The following AUTS2 variants were observed in gnomAD, a reference collection of about 807,000 sequenced individuals.
The protein encoded by AUTS2 is autism susceptibility gene 2 protein.
Under a neutral mutation model 112.4 loss-of-function variants are expected in AUTS2, and 17 were observed. The observed-to-expected ratio is 0.15, with a 90% CI of 0.10 to 0.23. The LOEUF (loss-of-function observed/expected upper bound fraction) is 0.23, where lower values mean the gene tolerates loss of function less well. Among genes scored for constraint, AUTS2 ranks in the 10% least tolerant of loss-of-function variants. The probability of loss-of-function intolerance (pLI) is 1.00; values close to 1 mark genes in which losing one functional copy is unlikely to be tolerated. For missense variants in AUTS2, 1,510 were observed against 1,701.6 expected (o/e 0.89, Z 1.98); for synonymous variants, 751 against 702.7 (o/e 1.07, Z -1.09).
chr7:70,353,722 A>G (rs1454778347), intron 4 of AUTS2, among the ~76,000 whole-genome samples: 12 of 152,206 alleles, frequency 7.9e-5, no homozygotes, highest in Non-Finnish European at 1.0e-4. Context: ...GCACACACAC[A>G]TGGCCCAGAC....
chr7:70,519,898 C>T (rs936572821), intron 5 of AUTS2, among the ~76,000 whole-genome samples: 2 of 152,148 alleles, frequency 1.3e-5, no homozygotes, highest in African/African-American at 4.8e-5. Flanking sequence ...AGGCTGTTAG[C>T]TGAGTCTACT....
intron 5 of AUTS2, among the ~76,000 whole-genome samples, chr7:70,464,137 G>A (rs1266287403): frequency 2.0e-5 from 3 of 152,124 alleles, no homozygotes; most frequent in South Asian, 2.1e-4. Flanking sequence ...GCAGAGCTTC[G>A]TTCTTGTCTC....
chr7:70,526,040 A>T (rs967393768), intron 5 of AUTS2, among the ~76,000 whole-genome samples: 1 of 152,154 alleles, frequency 6.6e-6, no homozygotes, highest in African/African-American at 2.4e-5. Context: ...GCTCTTCTGA[A>T]TCCTACCTAG....
chr7:70,709,326 T>C (rs1401064179), intron 6 of AUTS2, among the ~76,000 whole-genome samples: 1 of 152,144 alleles, frequency 6.6e-6, no homozygotes, highest in Non-Finnish European at 1.5e-5. Context: ...GATCACTCCA[T>C]TTGACTTGCT....
At chr7:70,057,427 C>G (rs1027290128) in intron 2 of AUTS2, among the ~76,000 whole-genome samples, 1 of 152,138 alleles carries the variant, frequency 6.6e-6, no homozygotes, top group Non-Finnish European at 1.5e-5. Flanking sequence ...TAGTAGGTCT[C>G]AAAAAGTTAC....
chr7:69,737,587 A>G (rs976211054), intron 1 of AUTS2, among the ~76,000 whole-genome samples: 11 of 152,108 alleles, frequency 7.2e-5, no homozygotes, highest in African/African-American at 2.7e-4. Flanking sequence ...GATGACAGTA[A>G]CACACTCCCT....
chr7:69,847,817 G>A (rs1041181684), intron 1 of AUTS2, among the ~76,000 whole-genome samples: 2 of 152,174 alleles, frequency 1.3e-5, no homozygotes, highest in African/African-American at 4.8e-5. Context: ...ACTTGCAGAG[G>A]CCTGACCTGG....
At chr7:70,670,189 A>C (rs1050631814) in intron 5 of AUTS2, among the ~76,000 whole-genome samples, 3 of 152,056 alleles carry the variant, frequency 2.0e-5, no homozygotes, top group Admixed American at 1.3e-4. Flanking sequence ...ATTTTATTTG[A>C]TTTCTGTTTT....
chr7:70,064,508 C>T (rs1292178455), intron 2 of AUTS2, among the ~76,000 whole-genome samples: 1 of 152,156 alleles, frequency 6.6e-6, no homozygotes, highest in Non-Finnish European at 1.5e-5. Context: ...TCCAAAACTG[C>T]TGTCTGTCAT....
chr7:70,680,767 A>G (rs963255445), intron 5 of AUTS2, among the ~76,000 whole-genome samples: 1 of 152,196 alleles, frequency 6.6e-6, no homozygotes, highest in Non-Finnish European at 1.5e-5. Context: ...AAGAAAAGCT[A>G]CCAGCCAACA....
chr7:70,767,485 A>G (rs7782110), intron 9 of AUTS2, among the ~76,000 whole-genome samples: 23,816 of 152,100 alleles, frequency 0.16, 2,218 homozygotes, highest in East Asian at 0.38. Context: ...ATTTAACCAA[A>G]GGTAGTTATA....
intron 5 of AUTS2, among the ~76,000 whole-genome samples, chr7:70,658,787 G>A (rs943931809): frequency 2.6e-5 from 4 of 152,222 alleles, no homozygotes; most frequent in African/African-American, 9.6e-5. Flanking sequence ...TATTTCGGGT[G>A]CGAGGGGAGT....
intron 2 of AUTS2, among the ~76,000 whole-genome samples, chr7:69,979,271 T>C (rs763192139): frequency 3.3e-5 from 5 of 152,202 alleles, no homozygotes; most frequent in Non-Finnish European, 5.9e-5. Flanking sequence ...AAGAACCTTA[T>C]TTTCTCTGCC....
intron 5 of AUTS2, among the ~76,000 whole-genome samples, chr7:70,594,189 G>A (rs1803084803): frequency 6.6e-6 from 1 of 152,174 alleles, no homozygotes; most frequent in Non-Finnish European, 1.5e-5. Context: ...TTGATACACG[G>A]TGCAACTTGC....
intron 5 of AUTS2, among the ~76,000 whole-genome samples, chr7:70,602,699 A>C (rs1262521238): frequency 6.6e-6 from 1 of 152,212 alleles, no homozygotes; most frequent in Non-Finnish European, 1.5e-5. Context: ...GGTCGTAATT[A>C]GAGTATTTGG....
chr7:70,308,940 G>A (rs1789612738), intron 4 of AUTS2, among the ~76,000 whole-genome samples: 2 of 152,178 alleles, frequency 1.3e-5, no homozygotes, highest in Non-Finnish European at 2.9e-5. Context: ...GGGGTGCACT[G>A]AGCAGTCCCG....
rs565656627 is a variant in AUTS2 at position 70,024,780 on chromosome 7, CTCT to C, written c.523-93347_523-93345del. On this transcript the variant is annotated intron_variant, in intron 2 of 18. Transcript: ENST00000342771. ...AGTTATTGCAGTCTTGAGGCAAAAT[CTCT>C]TCTTTGTGATACCTTATTTTTGCTC... 6.8e-3 allele frequency among the ~76,000 whole-genome samples: 1,041 copies of C among 152,284 alleles called. 8 individuals are homozygous for C. The highest frequency in any genetic ancestry group is 0.01 in the Non-Finnish European group (703 of 68,018).
At chr7:70,158,720 A>G (rs1807916192) in intron 4 of AUTS2, among the ~76,000 whole-genome samples, 1 of 152,042 alleles carries the variant, frequency 6.6e-6, no homozygotes, top group South Asian at 2.1e-4. Context: ...CATGCAGTCC[A>G]TGGATCAGAA....
chr7:69,635,702 G>T lies in AUTS2; in HGVS notation c.309+35740G>T, dbSNP rs534320209. Among the ~76,000 whole-genome samples, 9 of 152,334 alleles carry T rather than the reference G, an allele frequency of 5.9e-5. No individual in the cohort carries two copies. The South Asian group carries it at 1.7e-3, about 28-fold the overall frequency. On this transcript the variant is annotated intron_variant, in intron 1 of 18. Coordinates refer to ENST00000342771, the MANE Select transcript of AUTS2 (RefSeq NM_015570.4). ...AGAGGAGGTACTTAAACTGGGAAAG[G>T]AGGAGGAGACCTTAACAAATCAAGC...
Sources: allele counts gnomAD v4.1 joint callset (sites outside exome capture counted in the v4.1 genomes callset), GRCh38; gene constraint gnomAD v4.1.1; transcripts MANE v1.5; gene names NCBI Gene and HGNC (gene_info 2026-07-23, HGNC 2026-07-21).